The following LDB3 variants were observed in gnomAD, a reference collection of about 807,000 sequenced individuals.
LDB3 encodes the protein LIM domain-binding protein 3.
In LDB3, 49 loss-of-function variants were observed where a neutral mutation model predicts 69.0. That is an observed-to-expected ratio of 0.71 (90% CI 0.56 to 0.90). LDB3 has a LOEUF of 0.90. Ranked by LOEUF, LDB3 falls within the 40% of genes least tolerant of loss-of-function variation. LDB3 has a pLI of 0.00. For missense variants in LDB3, 928 were observed against 974.1 expected (o/e 0.95, Z 0.63); for synonymous variants, 387 against 396.2 (o/e 0.98, Z 0.28).
At chr10:86,731,228 T>C (rs1196119365) in intron 13 of LDB3, among the ~76,000 whole-genome samples, 2 of 140,458 alleles carry the variant, frequency 1.4e-5, no homozygotes, top group African/African-American at 5.8e-5. Context: ...TATCTACCTT[T>C]TTTTTTTTTT....
At position 86,668,581 on chromosome 10, in the gene LDB3, G is replaced by A; in HGVS notation, c.-24+11G>A. 1.1e-6 allele frequency: 1 copy of A among 877,662 alleles called. No individual in the cohort carries two copies. Among genetic ancestry groups the A allele is most frequent in the Non-Finnish European group, 1.9e-6 (1 of 517,612 alleles). The allele number at this position is 877,662 out of a possible 1,614,324, so 54.4% of individuals were successfully genotyped here. A position where few individuals can be genotyped will look rare whatever the true frequency, so the allele number is the denominator to read the frequency against. On this transcript the variant is annotated intron_variant, in intron 1 of 13. Transcript: ENST00000361373. ...CAAGGGACAGAACAGGCAAGGCTGG[G>A]GGTCAGGGGCAGGGGCAGAGGTGTG...
chr10:86,718,349 C>CA, intron 11 of LDB3, among the ~76,000 whole-genome samples: 1 of 152,218 alleles, frequency 6.6e-6, no homozygotes, highest in Non-Finnish European at 1.5e-5. Context: ...CTGTTCCACA[C>CA]AGCTTGAAGT....
chr10:86,680,073 T>C lies in LDB3; in HGVS notation c.246-9T>C. 1 of 1,613,696 alleles carries C rather than the reference T, an allele frequency of 6.2e-7. No homozygotes were observed. The highest frequency in any genetic ancestry group is 1.3e-5 in the African/African-American group (1 of 75,018). On this transcript the variant is annotated splice_polypyrimidine_tract_variant and intron_variant, in intron 3 of 13. Transcript: ENST00000361373. ...CTTCCTCACCTGGTCTCATTTCTGG[T>C]TTCTACAGATCAAAGCGTCCCATTC...
intron 2 of LDB3, 67 bp downstream of exon 2, chr10:86,668,851 C>A: frequency 1.7e-6 from 2 of 1,207,562 alleles, no homozygotes; most frequent in Non-Finnish European, 2.5e-6. Context: ...GCATGTGTGT[C>A]CGTCTGTCTG....
At chr10:86,674,284 T>C (rs11819261) in intron 2 of LDB3, among the ~76,000 whole-genome samples, 14,433 of 152,230 alleles carry the variant, frequency 0.095, 1,245 homozygotes, top group African/African-American at 0.21. Flanking sequence ...GGCATTGTCA[T>C]TCTCTTGACA....
chr10:86,693,285 T>C (rs1052389471), intron 7 of LDB3, among the ~76,000 whole-genome samples: 1 of 152,028 alleles, frequency 6.6e-6, no homozygotes, highest in African/African-American at 2.4e-5. Flanking sequence ...GGGCCTTCCA[T>C]GGTAAGGAGT....
intron 5 of LDB3, among the ~76,000 whole-genome samples, chr10:86,688,469 G>A (rs1320966746): frequency 6.6e-6 from 1 of 152,190 alleles, no homozygotes; most frequent in Non-Finnish European, 1.5e-5. Flanking sequence ...CCCTTTTGGA[G>A]ATGCAGTACT....
intron 13 of LDB3, among the ~76,000 whole-genome samples, chr10:86,727,716 T>G (rs1029696271): frequency 6.6e-6 from 1 of 152,222 alleles, no homozygotes; most frequent in African/African-American, 2.4e-5. Flanking sequence ...TGGCATTTCT[T>G]GGCTTGCAGC....
chr10:86,685,045 G>A (rs11595553), intron 5 of LDB3, among the ~76,000 whole-genome samples: 4 of 152,180 alleles, frequency 2.6e-5, no homozygotes, highest in African/African-American at 7.2e-5. Flanking sequence ...GGGGCCTTTA[G>A]GAGTGGCCCC....
chr10:86,673,752 C>A (rs1169932522), intron 2 of LDB3, among the ~76,000 whole-genome samples: 1 of 152,142 alleles, frequency 6.6e-6, no homozygotes, highest in Non-Finnish European at 1.5e-5. Context: ...TTGTACCCTT[C>A]CTACTTATCT....
intron 5 of LDB3, chr10:86,686,976 C>T (rs544464477): frequency 7.9e-6 from 9 of 1,143,082 alleles, no homozygotes; most frequent in Admixed American, 3.4e-5. Flanking sequence ...ACACCCACCG[C>T]GCCCAGCCCT....
intron 7 of LDB3, among the ~76,000 whole-genome samples, chr10:86,693,889 A>G (rs1261110446): frequency 6.6e-6 from 1 of 152,136 alleles, no homozygotes; most frequent in Non-Finnish European, 1.5e-5. Flanking sequence ...CATTTGATAA[A>G]AAAGTCTTTA....
intron 2 of LDB3, among the ~76,000 whole-genome samples, chr10:86,670,058 G>A (rs1844375390): frequency 6.6e-6 from 1 of 152,130 alleles, no homozygotes; most frequent in South Asian, 2.1e-4. Flanking sequence ...TACTTGAGGG[G>A]ACCCCAGAAG....
Position 86,726,191 on chromosome 10 carries a change from C to T in LDB3, c.2033C>T (p.Ala678Val). 1 of 1,614,096 alleles carries T rather than the reference C, an allele frequency of 6.2e-7. No individual in the cohort carries two copies. Among genetic ancestry groups the T allele is most frequent in the Non-Finnish European group, 8.5e-7 (1 of 1,180,028 alleles). ...KCHGCDFPVE[A>V]GDKFIEALGH... ...CATGGCTGCGATTTCCCCGTGGAGG[C>T]TGGCGACAAGTTTATCGAAGCCCTG... Residue 678 changes from alanine (A) to valine (V), a missense_variant, in exon 13 of 14, where the codon GCT becomes GTT. Transcript: ENST00000361373.
chr10:86,718,727 G>A lies in LDB3; in HGVS notation c.1858G>A (p.Glu620Lys), dbSNP rs770065574. The change falls in exon 12 of 14, where the codon GAA becomes AAA. Residue 620 changes from glutamate to lysine, a missense_variant and splice_region_variant. Coordinates refer to ENST00000361373, the MANE Select transcript of LDB3 (RefSeq NM_007078.3). ...CAKCNTKIMGEVMHALRQTWH... is the reference protein window; with the variant it reads ...CAKCNTKIMGKVMHALRQTWH... ...CCTGAGCTTAGGCTCTTTCCCCCAG[G>A]AAGTAATGCATGCCTTGAGACAGAC... 6.2e-7 allele frequency: 1 copy of A among 1,614,162 alleles called. No individual in the cohort carries two copies. The highest frequency in any genetic ancestry group is 2.2e-5 in the East Asian group (1 of 44,874).
intron 9 of LDB3, 169 bp downstream of exon 9, chr10:86,710,219 G>T: frequency 1.0e-6 from 1 of 985,336 alleles, no homozygotes; most frequent in Non-Finnish European, 1.2e-6. Flanking sequence ...ATCCTATGGA[G>T]CCTGCATCTG....
chr10:86,672,569 G>A (rs1394198382), intron 2 of LDB3, among the ~76,000 whole-genome samples: 6 of 152,324 alleles, frequency 3.9e-5, no homozygotes, highest in East Asian at 1.9e-4. Context: ...GTTTATAGCC[G>A]CACTGAAGGT....
chr10:86,708,408 G>C (rs554500320), intron 8 of LDB3, among the ~76,000 whole-genome samples: 4 of 152,336 alleles, frequency 2.6e-5, no homozygotes, highest in African/African-American at 9.6e-5. Context: ...CATGGCTTCA[G>C]AATTTTCAAT....
chr10:86,710,180 C>CT lies in LDB3; in HGVS notation c.1231+130_1231+131insT, dbSNP rs1175716021. ...AAGCAAGGCCTTGCTAATGATGCTC[C>CT]GCCCTCCGTCCCCTAGCTGTGGGTC... is the stretch of plus-strand genomic sequence containing the variant. On this transcript the variant is annotated intron_variant, in intron 9 of 13. Transcript: ENST00000361373. The CT allele has an allele frequency of 5.2e-6, 8 of 1,528,052 alleles. No homozygotes were observed. The African/African-American group carries it at 1.1e-4, about 21-fold the overall frequency. 94.7% of individuals were successfully genotyped at this position (1,528,052 alleles called of 1,614,324 possible). A position where few individuals can be genotyped will look rare whatever the true frequency, so the allele number is the denominator to read the frequency against.
Sources: gnomAD v4.1 joint callset for allele counts (sites outside exome capture counted in the v4.1 genomes callset) on GRCh38, gnomAD v4.1.1 for gene constraint, MANE v1.5 for transcripts, NCBI Gene and HGNC (gene_info 2026-07-23, HGNC 2026-07-21) for gene names.